The following APAF1 variants were observed in gnomAD, a reference collection of about 807,000 sequenced individuals.
APAF1 encodes apoptotic peptidase activating factor 1.
APAF1 carries 91 observed loss-of-function variants against 152.4 expected under a neutral mutation model. That is an observed-to-expected ratio of 0.60 (90% confidence interval 0.50 to 0.71). The LOEUF is 0.71. Ranked by LOEUF, APAF1 falls within the 30% of genes least tolerant of loss-of-function variation. The pLI is 0.00. For synonymous variants in APAF1, 484 were observed against 494.1 expected (o/e 0.98, Z 0.27); for missense variants, 1,283 against 1,472.0 (o/e 0.87, Z 2.10).
chr12:98,735,143 G>A lies in APAF1; in HGVS notation c.*2577G>A, dbSNP rs942722787. 5 of 398,666 alleles carry A rather than the reference G, an allele frequency of 1.3e-5. No homozygotes were observed. Among genetic ancestry groups the A allele is most frequent in the African/African-American group, 4.1e-5 (2 of 48,648 alleles). The allele number at this position is 398,666 out of a possible 1,614,324, so 24.7% of individuals were successfully genotyped here. On this transcript the variant is annotated 3_prime_UTR_variant, in exon 27 of 27. Transcript: ENST00000551964. ...GAAAGAAGAGATACCTAGTATGATG[G>A]AGCTGCAAATTTCATGGCAGTTCAT...
chr12:98,667,396 G>A lies in APAF1; in HGVS notation c.1363-117G>A, dbSNP rs746547221. 48 of 1,269,690 alleles carry A rather than the reference G, an allele frequency of 3.8e-5. No individual in the cohort carries two copies. The South Asian group carries it at 3.9e-4, about 10-fold the overall frequency. The allele number at this position is 1,269,690 out of a possible 1,614,324, so 78.7% of individuals were successfully genotyped here. ...CTCCCAAAGTGCTGGGATTACAGGC[G>A]TGAGCCACCGAGCCCGGCCTCTCTG... On this transcript the variant is annotated intron_variant, in intron 9 of 26. Coordinates refer to ENST00000551964, the MANE Select transcript of APAF1 (RefSeq NM_181861.2).
chr12:98,647,995 T>C (rs1176521003), intron 1 of APAF1, among the ~76,000 whole-genome samples: 1 of 152,176 alleles, frequency 6.6e-6, no homozygotes, highest in Non-Finnish European at 1.5e-5. Context: ...TCCTTGTGGA[T>C]ATTTTTACAT....
chr12:98,686,559 T>A (rs1463870880), intron 15 of APAF1, among the ~76,000 whole-genome samples, 189 bp from the exon 16 acceptor site: 1 of 152,208 alleles, frequency 6.6e-6, no homozygotes, highest in Non-Finnish European at 1.5e-5. Context: ...CATGCTGATC[T>A]AAAGGCTGCC....
intron 4 of APAF1, among the ~76,000 whole-genome samples, chr12:98,658,118 T>G (rs866196119): frequency 1.3e-5 from 2 of 152,306 alleles, no homozygotes; most frequent in South Asian, 4.1e-4. Flanking sequence ...TCTTTATGAT[T>G]GATGCTACTG....
rs1374162253 is a variant in APAF1, at chr12:98,723,173, CTT to C, written c.3085-19_3085-18del. ...AGGATCGGGGGAGGATTATAACAGA[CTT>C]ATTTCTTTGATATTCAGGTATGGAA... On this transcript the variant is annotated intron_variant, in intron 22 of 26. Transcript: ENST00000551964. 1.2e-6 allele frequency: 2 copies of C among 1,611,534 alleles called. No homozygotes were observed. Among genetic ancestry groups the C allele is most frequent in the Non-Finnish European group, 1.7e-6 (2 of 1,178,376 alleles).
chr12:98,649,708 A>G (rs1465076302), intron 4 of APAF1, 24 bp downstream of exon 4: 1 of 1,599,136 alleles, frequency 6.3e-7, no homozygotes, highest in East Asian at 2.2e-5. Flanking sequence ...TCCATTTCAT[A>G]GTCTAGTAAG....
At chr12:98,670,844 C>T (rs1301218365) in intron 10 of APAF1, 129 bp from the exon 11 acceptor site, 1 of 649,838 alleles carries the variant, frequency 1.5e-6, no homozygotes, top group Non-Finnish European at 2.8e-6. Context: ...TGTTCTTTCT[C>T]ACTAGCTTTT....
chr12:98,712,460 C>G (rs1177464681), intron 21 of APAF1, 25 bp downstream of exon 21: 3 of 1,216,202 alleles, frequency 2.5e-6, no homozygotes, highest in African/African-American at 1.5e-5. Flanking sequence ...TCTTCAGAAT[C>G]TTTCTGTACA....
Position 98,665,282 on chromosome 12 carries a change from T to A in APAF1, c.956-271T>A, listed in dbSNP as rs867312464. Among the ~76,000 whole-genome samples, 427 of 103,408 alleles carry A rather than the reference T, an allele frequency of 4.1e-3. 2 individuals are homozygous for A. Among genetic ancestry groups the A allele is most frequent in the African/African-American group, 0.012 (299 of 25,350 alleles). The allele number at this position is 103,408 out of a possible 152,430, so 67.8% of individuals were successfully genotyped here. ...TATATATATATATATATATATATTT[T>A]TTTTTTTTTTTGTAATGACATCTTA... On this transcript the variant is annotated intron_variant, in intron 7 of 26. Coordinates refer to ENST00000551964, the MANE Select transcript of APAF1 (RefSeq NM_181861.2).
At chr12:98,659,769 A>G (rs925165496) in intron 5 of APAF1, among the ~76,000 whole-genome samples, 2 of 150,740 alleles carry the variant, frequency 1.3e-5, no homozygotes, top group African/African-American at 2.5e-5. Context: ...AAAAAAAAAA[A>G]AAAGAGAGAG....
intron 21 of APAF1, among the ~76,000 whole-genome samples, chr12:98,715,061 C>A (rs1015381142): frequency 2.1e-5 from 3 of 145,102 alleles, no homozygotes; most frequent in African/African-American, 7.6e-5. Flanking sequence ...CTCTCTTATC[C>A]ATCTTAAATG....
chr12:98,689,305 G>C (rs550578877), intron 16 of APAF1, among the ~76,000 whole-genome samples: 1 of 152,104 alleles, frequency 6.6e-6, no homozygotes, highest in South Asian at 2.1e-4. Flanking sequence ...TACTGTCCCT[G>C]TATGTGTTTC....
intron 16 of APAF1, among the ~76,000 whole-genome samples, chr12:98,695,263 G>A (rs2097708528): frequency 2.0e-5 from 3 of 152,064 alleles, no homozygotes; most frequent in Admixed American, 2.0e-4. Context: ...ATGTTGGCCA[G>A]GCTGGTCTTG....
At chr12:98,696,319 A>G (rs1407708487) in intron 16 of APAF1, among the ~76,000 whole-genome samples, 1 of 152,182 alleles carries the variant, frequency 6.6e-6, no homozygotes, top group Non-Finnish European at 1.5e-5. Flanking sequence ...AGGATTGAAG[A>G]TAGCGAAACC....
intron 16 of APAF1, among the ~76,000 whole-genome samples, chr12:98,698,318 G>A (rs2097711858): frequency 1.3e-5 from 2 of 152,186 alleles, no homozygotes; most frequent in African/African-American, 4.8e-5. Context: ...TTCCCAAAGT[G>A]CTGGGATTAC....
chr12:98,665,280 T>TATA (rs1565863211), intron 7 of APAF1, among the ~76,000 whole-genome samples: 8 of 62,648 alleles, frequency 1.3e-4, no homozygotes, highest in African/African-American at 3.5e-4. Context: ...ATATATATAT[T>TATA]TTTTTTTTTT....
At chr12:98,713,629 A>G (rs1285447028) in intron 21 of APAF1, among the ~76,000 whole-genome samples, 1 of 152,272 alleles carries the variant, frequency 6.6e-6, no homozygotes, top group African/African-American at 2.4e-5. Context: ...CTTTATCACA[A>G]GTGAAATTCA....
In APAF1 at chr12:98,662,760, G is replaced by A. The variant is rs1204980543; in HGVS notation, c.909G>A (p.Lys303=). 6.2e-7 allele frequency: 1 copy of A among 1,611,966 alleles called. No homozygotes were observed. The highest frequency in any genetic ancestry group is 1.1e-5 in the South Asian group (1 of 90,986). The stretch of plus-strand genomic sequence containing the variant: ...TATCCCTTTTTGTTAATATGAAGAA[G>A]GCAGATTTGCCAGAACAAGCTCATA... ...EILSLFVNMK[K]ADLPEQAHSI... The change falls in exon 7 of 27, where the codon AAG becomes AAA. Residue 303 remains lysine, a synonymous_variant. Coordinates refer to ENST00000551964, the MANE Select transcript of APAF1 (RefSeq NM_181861.2).
rs916104396 is a variant in APAF1 at position 98,677,453 on chromosome 12, C to T, written c.1822C>T (p.Arg608Cys). 10 of 1,613,914 alleles carry T rather than the reference C, an allele frequency of 6.2e-6. No homozygotes were observed. The highest frequency in any genetic ancestry group is 4.5e-5 in the East Asian group (2 of 44,882). ...CAAAAAAAACATCACGAATCTTTCC[C>T]GCTTAGTTGTCCGCCCCCACACAGA... ...INKKNITNLS[R>C]LVVRPHTDAV... The change falls in exon 13 of 27, where the codon CGC (arginine) becomes TGC (cysteine). Residue 608 changes from arginine (R) to cysteine (C), a missense_variant. Arg to Cys is a radical substitution (Grantham distance 180). Transcript: ENST00000551964.
Sources: gnomAD v4.1 joint callset for allele counts (sites outside exome capture counted in the v4.1 genomes callset) on GRCh38, gnomAD v4.1.1 for gene constraint, MANE v1.5 for transcripts, NCBI Gene and HGNC (gene_info 2026-07-23, HGNC 2026-07-21) for gene names.